Variants in ATP2C2 observed in about 807,000 individuals in gnomAD.
The protein encoded by ATP2C2 is ATPase secretory pathway Ca2+ transporting 2.
ATP2C2 carries 171 observed loss-of-function variants against 110.8 expected under a neutral mutation model. That is an observed-to-expected ratio of 1.54 (90% CI 1.36 to 1.75). The LOEUF is 1.75. Ranked by LOEUF, ATP2C2 falls within the 40% of genes most tolerant of loss-of-function variation. The probability of loss-of-function intolerance (pLI) is 0.00; values close to 1 mark genes in which losing one functional copy is unlikely to be tolerated. For missense variants in ATP2C2, 1,963 were observed against 1,235.0 expected, an observed-to-expected ratio of 1.59 and a Z score of -8.84; for synonymous variants, 804 against 508.4, an observed-to-expected ratio of 1.58 and a Z score of -7.82.
In ATP2C2 at chr16:84,388,329, A is replaced by C. The variant is rs1005951614; in HGVS notation, c.100-10170A>C. ...GAAAGAGCGAGACTCTGTCTCAAAA[A>C]AAAAAGAAAGAAAAACTAGTATCAA... On this transcript the variant is annotated intron_variant, in intron 1 of 26. Transcript: ENST00000262429. Among the ~76,000 whole-genome samples the C allele has an allele frequency of 9.6e-4, 146 of 152,148 alleles. 2 individuals are homozygous for C. The highest frequency in any genetic ancestry group is 3.5e-3 in the African/African-American group (144 of 41,522).
intron 1 of ATP2C2, among the ~76,000 whole-genome samples, chr16:84,381,132 G>C (rs968625715): frequency 6.6e-6 from 1 of 152,214 alleles, no homozygotes; most frequent in Non-Finnish European, 1.5e-5. Context: ...ATTATCATTA[G>C]TTATTATAGG....
At chr16:84,388,054 A>C (rs1246187903) in intron 1 of ATP2C2, among the ~76,000 whole-genome samples, 1 of 151,346 alleles carries the variant, frequency 6.6e-6, no homozygotes. Context: ...TTGGCCAGGC[A>C]GGTGCAGTGG....
rs991213383 is a variant in ATP2C2 at position 84,448,727 on chromosome 16, G to C, written c.1660+38G>C. 3 of 1,582,052 alleles carry C rather than the reference G, an allele frequency of 1.9e-6. No individual in the cohort carries two copies. In the African/African-American group the frequency reaches 4.1e-5, roughly 21 times the overall value. On this transcript the variant is annotated intron_variant, in intron 17 of 26. Transcript: ENST00000262429. ...GGTCCCGGCCCAGAGCTTTAAGCTT[G>C]CATGTAACATTGACTTTTAAGTGCA...
intron 18 of ATP2C2, 72 bp from the exon 19 acceptor site, chr16:84,453,066 C>CGAGGTGGGGCCGGGAGTGA: frequency 6.8e-7 from 1 of 1,465,886 alleles, no homozygotes; most frequent in Admixed American, 2.0e-5. Context: ...TCCCCATGGC[C>CGAGGTGGGGCCGGGAGTGA]GAGGTGGGGC....
intron 6 of ATP2C2, among the ~76,000 whole-genome samples, chr16:84,414,813 C>G (rs1906688636): frequency 1.3e-5 from 2 of 152,030 alleles, no homozygotes; most frequent in African/African-American, 2.4e-5. Flanking sequence ...TGGAGGAGAT[C>G]TTTGAGTTTG....
At chr16:84,388,390 T>C (rs1904443552) in intron 1 of ATP2C2, among the ~76,000 whole-genome samples, 1 of 152,168 alleles carries the variant, frequency 6.6e-6, no homozygotes, top group Non-Finnish European at 1.5e-5. Context: ...TCTACAGAAC[T>C]TGCTGGAACA....
intron 1 of ATP2C2, among the ~76,000 whole-genome samples, chr16:84,381,322 C>T (rs1469459477): frequency 1.3e-5 from 2 of 152,178 alleles, no homozygotes; most frequent in Non-Finnish European, 2.9e-5. Context: ...TCTTCAGTTA[C>T]TTCAGGCCAT....
chr16:84,443,414 C>G (rs1431523668), intron 15 of ATP2C2, among the ~76,000 whole-genome samples: 3 of 152,138 alleles, frequency 2.0e-5, no homozygotes. Context: ...TGACTTGTCT[C>G]TGACTCGGGT....
chr16:84,435,462 C>T (rs1597830591), intron 11 of ATP2C2, among the ~76,000 whole-genome samples: 1 of 152,156 alleles, frequency 6.6e-6, no homozygotes, highest in South Asian at 2.1e-4. Flanking sequence ...TTGTTATACC[C>T]CCTTCTTCAT....
intron 7 of ATP2C2, 97 bp downstream of exon 7, chr16:84,415,688 C>A (rs774449319): frequency 1.0e-6 from 1 of 953,268 alleles, no homozygotes; most frequent in Non-Finnish European, 1.6e-6. Flanking sequence ...CTCTCTCATA[C>A]ACACATGCTC....
chr16:84,432,622 A>G (rs578027465), intron 11 of ATP2C2, among the ~76,000 whole-genome samples: 3 of 151,934 alleles, frequency 2.0e-5, no homozygotes, highest in South Asian at 4.2e-4. Context: ...CTGGGTTCAA[A>G]CTATTCTCCT....
At position 84,451,992 on chromosome 16, in the gene ATP2C2, C is replaced by A; in HGVS notation, c.1732C>A (p.Pro578Thr). Residue 578 changes from proline to threonine, a missense_variant, in exon 18 of 27, where the codon CCG becomes ACG. By Grantham distance (38) the Pro-to-Thr change is conservative (BLOSUM62 -1). Coordinates refer to ENST00000262429, the MANE Select transcript of ATP2C2 (RefSeq NM_014861.4). The stretch of plus-strand genomic sequence containing the variant: ...CGGTCTTGTGGGCATCATTGACCCC[C>A]CGAGAGTTGGCGTGAAGGAAGCAGT... ...FLGLVGIIDPPRVGVKEAVQV... is the reference protein window; with the variant it reads ...FLGLVGIIDPTRVGVKEAVQV... 8 of 1,613,986 alleles carry A rather than the reference C, an allele frequency of 5.0e-6. No homozygotes were observed. The highest frequency in any genetic ancestry group is 6.8e-6 in the Non-Finnish European group (8 of 1,179,992).
At chr16:84,421,060 C>T (rs1176259184) in intron 7 of ATP2C2, among the ~76,000 whole-genome samples, 6 of 152,336 alleles carry the variant, frequency 3.9e-5, no homozygotes, top group African/African-American at 1.2e-4. Context: ...CCTGCCTCGG[C>T]CTCCCAAAGT....
chr16:84,421,535 G>A (rs1039614891), intron 7 of ATP2C2, among the ~76,000 whole-genome samples: 7 of 152,152 alleles, frequency 4.6e-5, no homozygotes, highest in African/African-American at 1.7e-4. Context: ...ATGCTTACAT[G>A]ACCAGGTCCC....
At chr16:84,408,074 C>G (rs572163771) in intron 3 of ATP2C2, among the ~76,000 whole-genome samples, 1 of 152,284 alleles carries the variant, frequency 6.6e-6, no homozygotes, top group African/African-American at 2.4e-5. Flanking sequence ...GATCCTTGGC[C>G]GTCCTGAGCC....
intron 1 of ATP2C2, among the ~76,000 whole-genome samples, chr16:84,385,742 G>T (rs748435378): frequency 6.6e-6 from 1 of 152,232 alleles, no homozygotes; most frequent in African/African-American, 2.4e-5. Context: ...GCTGAGCAAA[G>T]GGGGAAGCCC....
At position 84,425,890 on chromosome 16, in the gene ATP2C2, C is replaced by T. The variant is rs1036050020; in HGVS notation, c.986+89C>T. The T allele has an allele frequency of 4.0e-6, 6 of 1,502,018 alleles. No individual in the cohort carries two copies. The African/African-American group carries it at 5.5e-5, about 14-fold the overall frequency. The allele number at this position is 1,502,018 out of a possible 1,614,324, so 93.0% of individuals were successfully genotyped here. On this transcript the variant is annotated intron_variant, in intron 11 of 26. Transcript: ENST00000262429. ...GCCGCAAGAGAAGGTGGGGAGGCTG[C>T]AGAATAGGAAGGGTTGGGAAGGTGC...
chr16:84,450,584 A>T (rs577043642), intron 17 of ATP2C2, among the ~76,000 whole-genome samples: 9 of 152,112 alleles, frequency 5.9e-5, no homozygotes, highest in Non-Finnish European at 1.3e-4. Context: ...GGAGGGGACC[A>T]TTGGAAAAGG....
At chr16:84,378,716 G>C (rs578241158) in intron 1 of ATP2C2, among the ~76,000 whole-genome samples, 1 of 152,214 alleles carries the variant, frequency 6.6e-6, no homozygotes, top group Non-Finnish European at 1.5e-5. Context: ...GGCCGACTAC[G>C]TGATTGTCAG....
Sources: gnomAD v4.1 joint callset for allele counts (sites outside exome capture counted in the v4.1 genomes callset) on GRCh38, gnomAD v4.1.1 for gene constraint, MANE v1.5 for transcripts, NCBI Gene and HGNC (gene_info 2026-07-23, HGNC 2026-07-21) for gene names.